The following GXYLT1 variants were observed in gnomAD, a reference collection of about 807,000 sequenced individuals.
GXYLT1 encodes the protein glucoside xylosyltransferase 1, also known as glycosyltransferase 8 domain containing 3.
In GXYLT1, 29 loss-of-function variants were observed where a neutral mutation model predicts 54.0. The ratio of observed to expected loss-of-function variants is 0.54; its 90% CI spans 0.40 to 0.73. The LOEUF is 0.73. Ranked by LOEUF, GXYLT1 falls within the 30% of genes least tolerant of loss-of-function variation. The pLI is 0.00. For missense variants in GXYLT1, 490 were observed against 553.4 expected, an observed-to-expected ratio of 0.89 and a Z score of 1.15; for synonymous variants, 176 against 204.1, an observed-to-expected ratio of 0.86 and a Z score of 1.17.
At chr12:42,138,854 G>T (rs187267663) in intron 1 of GXYLT1, among the ~76,000 whole-genome samples, 5 of 151,916 alleles carry the variant, frequency 3.3e-5, no homozygotes, top group African/African-American at 1.2e-4. Flanking sequence ...GTGAAACCCC[G>T]TCTCTACTAA....
intron 1 of GXYLT1, among the ~76,000 whole-genome samples, chr12:42,139,876 A>T (rs1031567575): frequency 1.2e-4 from 18 of 151,978 alleles, no homozygotes; most frequent in African/African-American, 4.3e-4. Flanking sequence ...TTCAAACATA[A>T]CTGCAGAAAA....
At chr12:42,111,293 G>C (rs2065453283) in intron 3 of GXYLT1, among the ~76,000 whole-genome samples, 1 of 152,234 alleles carries the variant, frequency 6.6e-6, no homozygotes, top group Non-Finnish European at 1.5e-5. Context: ...CAGGACAGTG[G>C]CTGCAGCGCA....
chr12:42,110,587 C>T (rs1385410370), intron 3 of GXYLT1, among the ~76,000 whole-genome samples: 2 of 152,140 alleles, frequency 1.3e-5, no homozygotes, highest in South Asian at 2.1e-4. Flanking sequence ...CTCTGTCACC[C>T]AGACTGGGCT....
rs2065262393 is a variant in GXYLT1, at chr12:42,083,020, C to T, written c.*4766G>A. The stretch of plus-strand genomic sequence containing the variant: ...ATTTTTTCCTATCTTTTCAAAGTCC[C>T]ATTAAACATCTGAAATTATTGGTAG... On this transcript the variant is annotated 3_prime_UTR_variant, in exon 8 of 8. Transcript: ENST00000398675. 1 of 152,078 alleles carries T rather than the reference C, an allele frequency of 6.6e-6. No homozygotes were observed. Among genetic ancestry groups the T allele is most frequent in the African/African-American group, 2.4e-5 (1 of 41,388 alleles). The allele number at this position is 152,078 out of a possible 1,614,324, so 9.4% of individuals were successfully genotyped here.
At chr12:42,136,784 A>ATACATACAT (rs1206528224) in intron 1 of GXYLT1, among the ~76,000 whole-genome samples, 1 of 151,980 alleles carries the variant, frequency 6.6e-6, no homozygotes, top group Non-Finnish European at 1.5e-5. Context: ...ACATACATAC[A>ATACATACAT]TACAAACAAA....
chr12:42,100,805 G>C (rs1188450999), intron 5 of GXYLT1, among the ~76,000 whole-genome samples: 1 of 151,934 alleles, frequency 6.6e-6, no homozygotes, highest in African/African-American at 2.4e-5. Context: ...ACAAAAACCA[G>C]GAACACTTTC....
At chr12:42,134,416 A>G (rs2065608735) in intron 1 of GXYLT1, among the ~76,000 whole-genome samples, 1 of 152,170 alleles carries the variant, frequency 6.6e-6, no homozygotes, top group South Asian at 2.1e-4. Context: ...GGCTCAAGCT[A>G]TCGTCCTGCC....
In GXYLT1 at chr12:42,083,787, T is replaced by C. The variant is rs2065268354; in HGVS notation, c.*3999A>G. Reference sequence around the variant, plus strand: ...CAAACCTGGCCTCTCGTCAGTATCATCTGCGAAAACTGCTGCAACACATTC... The same window carrying C: ...CAAACCTGGCCTCTCGTCAGTATCACCTGCGAAAACTGCTGCAACACATTC... On this transcript the variant is annotated 3_prime_UTR_variant, in exon 8 of 8. Transcript: ENST00000398675. 1 of 152,220 alleles carries C rather than the reference T, an allele frequency of 6.6e-6. No individual in the cohort carries two copies. Among genetic ancestry groups the C allele is most frequent in the African/African-American group, 2.4e-5 (1 of 41,444 alleles). The allele number at this position is 152,220 out of a possible 1,614,324, so 9.4% of individuals were successfully genotyped here. A position where few individuals can be genotyped will look rare whatever the true frequency, so the allele number is the denominator to read the frequency against.
intron 4 of GXYLT1, among the ~76,000 whole-genome samples, chr12:42,106,596 C>T (rs770967667): frequency 4.6e-5 from 7 of 151,984 alleles, no homozygotes; most frequent in Admixed American, 6.6e-5. Flanking sequence ...TGTGTCCCAA[C>T]GAATCAAAGC....
At chr12:42,094,684 A>G (rs932797657) in intron 7 of GXYLT1, among the ~76,000 whole-genome samples, 1 of 152,154 alleles carries the variant, frequency 6.6e-6, no homozygotes, top group Non-Finnish European at 1.5e-5. Context: ...TGATAAACTT[A>G]TTACATGAAA....
chr12:42,087,675 A>G lies in GXYLT1; in HGVS notation c.*111T>C. 1 of 753,430 alleles carries G rather than the reference A, an allele frequency of 1.3e-6. No individual in the cohort carries two copies. The highest frequency in any genetic ancestry group is 2.0e-6 in the Non-Finnish European group (1 of 488,724). The allele number at this position is 753,430 out of a possible 1,614,324, so 46.7% of individuals were successfully genotyped here. A position where few individuals can be genotyped will look rare whatever the true frequency, so the allele number is the denominator to read the frequency against. The stretch of plus-strand genomic sequence containing the variant: ...ACTTAACTTCTTTAGGAAAAAAAAA[A>G]TTATTCTGGAGATGAGTAATTCCTT... On this transcript the variant is annotated 3_prime_UTR_variant, in exon 8 of 8. Coordinates refer to ENST00000398675, the MANE Select transcript of GXYLT1 (RefSeq NM_173601.2).
chr12:42,134,941 T>C (rs1351020076), intron 1 of GXYLT1, among the ~76,000 whole-genome samples: 3 of 152,212 alleles, frequency 2.0e-5, no homozygotes, highest in African/African-American at 7.2e-5. Flanking sequence ...GCAATCTCTA[T>C]TTGTGTAGTA....
chr12:42,104,255 ATTT>A (rs11390703), intron 5 of GXYLT1, among the ~76,000 whole-genome samples: 1 of 149,004 alleles, frequency 6.7e-6, no homozygotes, highest in African/African-American at 2.5e-5. Flanking sequence ...GAGAAGTCAC[ATTT>A]TTTTTTTTTG....
intron 1 of GXYLT1, among the ~76,000 whole-genome samples, chr12:42,132,158 C>A (rs1024551468): frequency 3.3e-5 from 5 of 152,236 alleles, no homozygotes; most frequent in Middle Eastern, 3.4e-3. Context: ...GTTTTCCAAA[C>A]CTGCCTGGTC....
In GXYLT1 at chr12:42,133,192, C is replaced by T. The variant is rs147398208; in HGVS notation, c.222-3341G>A. The stretch of plus-strand genomic sequence containing the variant: ...ACTCAGGAGGCTGAGGCAGGAGAAT[C>T]GCTTGAACCCAGGAGGCGGAGGTTT... On this transcript the variant is annotated intron_variant, in intron 1 of 7. Coordinates refer to ENST00000398675, the MANE Select transcript of GXYLT1 (RefSeq NM_173601.2). Among the ~76,000 whole-genome samples, 692 of 152,076 alleles carry T rather than the reference C, an allele frequency of 4.6e-3. 7 individuals are homozygous for T. The highest frequency in any genetic ancestry group is 0.016 in the African/African-American group (676 of 41,476).
chr12:42,144,586 A>T lies in GXYLT1; in HGVS notation c.61T>A (p.Tyr21Asn). 1.4e-6 allele frequency: 2 copies of T among 1,475,112 alleles called. No homozygotes were observed. Among genetic ancestry groups the T allele is most frequent in the Non-Finnish European group, 1.8e-6 (2 of 1,111,536 alleles). 91.4% of individuals were successfully genotyped at this position (1,475,112 alleles called of 1,614,324 possible). Reference protein sequence around the residue: ...CVACGFCSLLYAFSQLAVSLE... With the variant: ...CVACGFCSLLNAFSQLAVSLE... ...GACACGGCGAGCTGGCTGAAAGCGT[A>T]AAGGAGCGAGCAGAAGCCGCAGGCC... is the stretch of plus-strand genomic sequence containing the variant. The change falls in exon 1 of 8, where the codon TAC becomes AAC. Residue 21 changes from tyrosine (Y) to asparagine (N), a missense_variant. Around this residue, in one of 2 missense-constraint regions of GXYLT1, gnomAD observed 148 missense variants for 210.7 expected, o/e 0.70. Transcript: ENST00000398675.
At chr12:42,116,509 C>A (rs2065496169) in intron 3 of GXYLT1, among the ~76,000 whole-genome samples, 1 of 152,156 alleles carries the variant, frequency 6.6e-6, no homozygotes, top group African/African-American at 2.4e-5. Context: ...TTTATGCAGA[C>A]AAAAAACACA....
chr12:42,112,474 C>T (rs1353986694), intron 3 of GXYLT1, among the ~76,000 whole-genome samples: 2 of 152,142 alleles, frequency 1.3e-5, no homozygotes, highest in African/African-American at 4.8e-5. Context: ...AAAACCAAGG[C>T]ATGAGAGCTA....
chr12:42,122,152 C>T (rs916665321), intron 2 of GXYLT1, among the ~76,000 whole-genome samples: 6 of 152,114 alleles, frequency 3.9e-5, no homozygotes, highest in Non-Finnish European at 7.4e-5. Context: ...ATTTTAAAGT[C>T]AAGCCTATTT....
Sources: gnomAD v4.1 joint callset for allele counts (sites outside exome capture counted in the v4.1 genomes callset) on GRCh38, gnomAD v4.1.1 for gene constraint, gnomAD v4.1.1 regional missense constraint, MANE v1.5 for transcripts, NCBI Gene and HGNC (gene_info 2026-07-23, HGNC 2026-07-21) for gene names.